Variants in ANKRD44 observed in about 807,000 individuals in gnomAD.
The protein encoded by ANKRD44 is serine/threonine-protein phosphatase 6 regulatory ankyrin repeat subunit B.
In ANKRD44, 35 loss-of-function variants were observed where a neutral mutation model predicts 116.0. The ratio of observed to expected loss-of-function variants is 0.30; its 90% CI spans 0.23 to 0.40. The LOEUF (loss-of-function observed/expected upper bound fraction) is 0.40, where lower values mean the gene tolerates loss of function less well. Among genes scored for constraint, ANKRD44 ranks in the 10% least tolerant of loss-of-function variants. The pLI, the probability that ANKRD44 is intolerant of heterozygous loss-of-function variation, is 1.00. For missense variants in ANKRD44, 1,014 were observed against 1,242.6 expected (o/e 0.82, Z 2.77); for synonymous variants, 435 against 461.8 (o/e 0.94, Z 0.74).
chr2:197,102,871 A>C (rs899248563), intron 9 of ANKRD44, among the ~76,000 whole-genome samples: 2 of 152,126 alleles, frequency 1.3e-5, no homozygotes, highest in Non-Finnish European at 2.9e-5. Context: ...TCAGCAATAC[A>C]TGTTACAATT....
intron 1 of ANKRD44, among the ~76,000 whole-genome samples, chr2:197,300,358 C>G (rs930004209): frequency 2.0e-5 from 3 of 152,170 alleles, no homozygotes; most frequent in African/African-American, 7.2e-5. Flanking sequence ...TGGGTTCTAC[C>G]CACATCTGCT....
In ANKRD44 at chr2:197,272,482, C is replaced by T. The variant is rs112152358; in HGVS notation, c.27+38096G>A. On this transcript the variant is annotated intron_variant, in intron 1 of 27. Transcript: ENST00000282272. ...TGAACTCCTGACCTTGTGATCCGCC[C>T]GCCTTGGCCTCCCAAAGTGCTGGGA... is the stretch of plus-strand genomic sequence containing the variant. Among the ~76,000 whole-genome samples, 28 of 152,092 alleles carry T rather than the reference C, an allele frequency of 1.8e-4. 1 individual carries two copies. Among genetic ancestry groups the T allele is most frequent in the African/African-American group, 2.4e-4 (10 of 41,486 alleles).
At position 197,265,224 on chromosome 2, in the gene ANKRD44, CT is replaced by C. The variant is rs1429738859; in HGVS notation, c.27+45353del. ...TAACGTACTTCCTTAAGTAACAGCA[CT>C]TTTTTTCTTTTTTTTTTTTTTTGGT... On this transcript the variant is annotated intron_variant, in intron 1 of 27. Transcript: ENST00000282272. 2.8e-3 allele frequency among the ~76,000 whole-genome samples: 330 copies of C among 119,180 alleles called. 1 individual carries two copies. Among genetic ancestry groups the C allele is most frequent in the African/African-American group, 0.01 (317 of 31,108 alleles). The allele number at this position is 119,180 out of a possible 152,430, so 78.2% of individuals were successfully genotyped here. A position where few individuals can be genotyped will look rare whatever the true frequency, so the allele number is the denominator to read the frequency against.
At chr2:197,195,431 A>C (rs1213234015) in intron 1 of ANKRD44, among the ~76,000 whole-genome samples, 1 of 152,192 alleles carries the variant, frequency 6.6e-6, no homozygotes, top group Non-Finnish European at 1.5e-5. Context: ...CTGTTGCTAC[A>C]ATCCAAGCCA....
intron 1 of ANKRD44, among the ~76,000 whole-genome samples, chr2:197,260,913 T>C (rs2082586138): frequency 9.0e-6 from 1 of 111,044 alleles, no homozygotes; most frequent in Non-Finnish European, 1.8e-5. Flanking sequence ...TGCCCACTTT[T>C]TGATGGGGTT....
chr2:197,278,508 C>T (rs1457167568), intron 1 of ANKRD44, among the ~76,000 whole-genome samples: 2 of 152,054 alleles, frequency 1.3e-5, no homozygotes, highest in Non-Finnish European at 2.9e-5. Flanking sequence ...AGGCACGCAC[C>T]ACCACGCCCG....
At chr2:197,183,645 A>T (rs1373103171) in intron 2 of ANKRD44, among the ~76,000 whole-genome samples, 2 of 151,826 alleles carry the variant, frequency 1.3e-5, no homozygotes, top group African/African-American at 4.8e-5. Context: ...ATCTTTGTAC[A>T]CACCTGAAGG....
chr2:197,181,552 T>A (rs1005223303), intron 2 of ANKRD44, among the ~76,000 whole-genome samples: 16 of 152,112 alleles, frequency 1.1e-4, no homozygotes, highest in Non-Finnish European at 1.5e-4. Context: ...GCACTTCAAT[T>A]TCATAGTACT....
At chr2:197,254,680 G>A (rs1002864051) in intron 1 of ANKRD44, among the ~76,000 whole-genome samples, 8 of 150,666 alleles carry the variant, frequency 5.3e-5, no homozygotes, top group African/African-American at 9.8e-5. Flanking sequence ...TAAAAGTAGG[G>A]GGGAAATTGA....
At chr2:197,015,960 TG>T in intron 17 of ANKRD44, 2 of 541,482 alleles carry the variant, frequency 3.7e-6, no homozygotes, top group Non-Finnish European at 7.3e-6. Context: ...ACAGTCCCTA[TG>T]GTGGTGGTTG....
At chr2:197,166,922 T>C (rs529542063) in intron 2 of ANKRD44, among the ~76,000 whole-genome samples, 1 of 152,260 alleles carries the variant, frequency 6.6e-6, no homozygotes, top group Non-Finnish European at 1.5e-5. Context: ...TCAATTCTTA[T>C]GTGATATATA....
At chr2:197,257,540 G>A (rs1274040274) in intron 1 of ANKRD44, among the ~76,000 whole-genome samples, 2 of 151,866 alleles carry the variant, frequency 1.3e-5, no homozygotes, top group African/African-American at 4.8e-5. Flanking sequence ...ATTTTTTATT[G>A]TGTAAAGTAT....
chr2:197,026,551 G>A (rs2124847409), intron 16 of ANKRD44, among the ~76,000 whole-genome samples: 1 of 152,344 alleles, frequency 6.6e-6, no homozygotes, highest in East Asian at 1.9e-4. Context: ...CTGGAGCCAA[G>A]TGAGCGAGGG....
chr2:197,099,279 C>T (rs893853758), intron 10 of ANKRD44, among the ~76,000 whole-genome samples: 16 of 152,082 alleles, frequency 1.1e-4, no homozygotes, highest in African/African-American at 3.6e-4. Context: ...GGGCCCTGAA[C>T]AAAATTATGA....
At chr2:197,293,326 C>T (rs2083622777) in intron 1 of ANKRD44, among the ~76,000 whole-genome samples, 1 of 152,124 alleles carries the variant, frequency 6.6e-6, no homozygotes, top group Admixed American at 6.5e-5. Flanking sequence ...GGGGTACAAA[C>T]ATTTTCCCCC....
At chr2:197,032,668 G>A (rs1025242567) in intron 16 of ANKRD44, among the ~76,000 whole-genome samples, 3 of 152,076 alleles carry the variant, frequency 2.0e-5, no homozygotes, top group Non-Finnish European at 2.9e-5. Flanking sequence ...GATTACAGGC[G>A]TGAGCCATGG....
At chr2:197,234,325 G>A (rs1161444325) in intron 1 of ANKRD44, among the ~76,000 whole-genome samples, 4 of 152,106 alleles carry the variant, frequency 2.6e-5, no homozygotes, top group East Asian at 1.9e-4. Flanking sequence ...CATAGTAGCC[G>A]GGATCACAGG....
chr2:197,019,064 T>C (rs1349651320), intron 17 of ANKRD44, among the ~76,000 whole-genome samples: 1 of 152,210 alleles, frequency 6.6e-6, no homozygotes, highest in Non-Finnish European at 1.5e-5. Flanking sequence ...CAAAATTCTC[T>C]TGTCTCTATG....
intron 17 of ANKRD44, among the ~76,000 whole-genome samples, chr2:197,020,260 TAA>T (rs2076472003): frequency 6.6e-6 from 1 of 152,184 alleles, no homozygotes; most frequent in African/African-American, 2.4e-5. Context: ...TTGCTTAAGT[TAA>T]AGAGACCTAA....
Sources: gnomAD v4.1 joint callset for allele counts (sites outside exome capture counted in the v4.1 genomes callset) on GRCh38, gnomAD v4.1.1 for gene constraint, MANE v1.5 for transcripts, NCBI Gene and HGNC (gene_info 2026-07-23, HGNC 2026-07-21) for gene names.